DCAF4: variants seen among roughly 807,000 people sequenced by gnomAD.
DCAF4 encodes the protein DDB1 and CUL4 associated factor 4.
Under a neutral mutation model 60.9 loss-of-function variants are expected in DCAF4, and 37 were observed. The ratio of observed to expected loss-of-function variants is 0.61; its 90% CI spans 0.47 to 0.80. The LOEUF (loss-of-function observed/expected upper bound fraction) is 0.80. Among genes scored for constraint, DCAF4 ranks in the 30% least tolerant of loss-of-function variants. The pLI, the probability that DCAF4 is intolerant of heterozygous loss-of-function variation, is 0.00. For synonymous variants in DCAF4, 243 were observed against 254.8 expected, an observed-to-expected ratio of 0.95 and a Z score of 0.44; for missense variants, 577 against 650.0, an observed-to-expected ratio of 0.89 and a Z score of 1.22.
At chr14:72,956,854 C>T (rs1026566895) in intron 13 of DCAF4, 6 of 265,796 alleles carry the variant, frequency 2.3e-5, no homozygotes, top group Non-Finnish European at 4.4e-5. Context: ...ACTTGGGCTC[C>T]CTGTTGTCTC....
At chr14:72,929,019 C>G (rs1296196662) in intron 1 of DCAF4, among the ~76,000 whole-genome samples, 1 of 152,192 alleles carries the variant, frequency 6.6e-6, no homozygotes, top group African/African-American at 2.4e-5. Context: ...GCTGCCATCC[C>G]CCACACTTGG....
chr14:72,956,759 G>T (rs1567331639), intron 13 of DCAF4: 1 of 412,534 alleles, frequency 2.4e-6, no homozygotes, highest in Non-Finnish European at 4.5e-6. Flanking sequence ...AGGCAGGTGG[G>T]GAGGTCCTGG....
chr14:72,956,191 G>A (rs1179283644), intron 12 of DCAF4, among the ~76,000 whole-genome samples, 195 bp from the exon 13 acceptor site: 2 of 152,046 alleles, frequency 1.3e-5, no homozygotes, highest in African/African-American at 4.8e-5. Context: ...ATAGTGCTGG[G>A]ATTACAGGCA....
In DCAF4 at chr14:72,930,308, G is replaced by T. The variant is rs1656216116; in HGVS notation, c.-9+3765G>T. Among the ~76,000 whole-genome samples the T allele has an allele frequency of 2.0e-5, 3 of 149,388 alleles. No individual in the cohort carries two copies. The South Asian group carries it at 6.3e-4, about 31-fold the overall frequency. The stretch of plus-strand genomic sequence containing the variant: ...TTTGAGACGGAGTTTCGCTCTTGTC[G>T]CCCAGGCTGCAATGCAGTGGCACCA... On this transcript the variant is annotated intron_variant, in intron 1 of 13. Transcript: ENST00000358377.
intron 1 of DCAF4, among the ~76,000 whole-genome samples, chr14:72,934,053 G>A (rs1039845089): frequency 2.0e-5 from 3 of 152,006 alleles, no homozygotes; most frequent in Admixed American, 6.5e-5. Context: ...ATCATGCCCT[G>A]TCTGCCTCTG....
chr14:72,958,830 A>G lies in DCAF4; in HGVS notation c.*25A>G, dbSNP rs756367598. 9 of 1,521,034 alleles carry G rather than the reference A, an allele frequency of 5.9e-6. No homozygotes were observed. In the African/African-American group the frequency reaches 1.1e-4, roughly 19 times the overall value. The allele number at this position is 1,521,034 out of a possible 1,614,324, so 94.2% of individuals were successfully genotyped here. A position where few individuals can be genotyped will look rare whatever the true frequency, so the allele number is the denominator to read the frequency against. On this transcript the variant is annotated 3_prime_UTR_variant, in exon 14 of 14. Coordinates refer to ENST00000358377, the MANE Select transcript of DCAF4 (RefSeq NM_015604.4). Reference sequence around the variant, plus strand: ...ATTCTGCAGGGCACAGCCCAGAGCCATGTGGATTTGACTTACGGGAGTAAA... The same window carrying G: ...ATTCTGCAGGGCACAGCCCAGAGCCGTGTGGATTTGACTTACGGGAGTAAA...
chr14:72,954,298 C>T (rs1891973413), intron 10 of DCAF4, 36 bp downstream of exon 10: 2 of 1,613,470 alleles, frequency 1.2e-6, no homozygotes, highest in South Asian at 1.1e-5. Context: ...GAGAAGAGGC[C>T]TTAACAGGCC....
intron 1 of DCAF4, among the ~76,000 whole-genome samples, chr14:72,935,966 CT>C (rs1181778476): frequency 6.6e-6 from 1 of 151,862 alleles, no homozygotes; most frequent in Non-Finnish European, 1.5e-5. Flanking sequence ...GTCTTTTTCT[CT>C]TTTTGAGATG....
In DCAF4 at chr14:72,951,839, C is replaced by G. The variant is rs1312753705; in HGVS notation, c.770C>G (p.Thr257Ser). The G allele has an allele frequency of 6.2e-7, 1 of 1,614,016 alleles. No homozygotes were observed. The highest frequency in any genetic ancestry group is 8.5e-7 in the Non-Finnish European group (1 of 1,180,034). ...MGLAETPGCA[T>S]LLPASLFVNS... ...CTCGCAGAGACTCCAGGCTGTGCCA[C>G]CCTGCTCCCAGCATCACTGTTCGTC... The change falls in exon 9 of 14, where the codon ACC (threonine) becomes AGC (serine). Residue 257 changes from threonine (T) to serine (S), a missense_variant. Physicochemically the swap from Thr to Ser is moderately conservative, Grantham distance 58 (BLOSUM62 1). Coordinates refer to ENST00000358377, the MANE Select transcript of DCAF4 (RefSeq NM_015604.4).
Position 72,959,322 on chromosome 14 carries a change from A to T in DCAF4, c.*517A>T. 1.0e-6 allele frequency: 1 copy of T among 985,662 alleles called. No homozygotes were observed. The highest frequency in any genetic ancestry group is 1.2e-6 in the Non-Finnish European group (1 of 830,118). The allele number at this position is 985,662 out of a possible 1,614,324, so 61.1% of individuals were successfully genotyped here. The stretch of plus-strand genomic sequence containing the variant: ...GAAATATTGAAGGCTGGAGTTTGGA[A>T]TCCTTAAACTTGGCCTTCTCAAACT... On this transcript the variant is annotated 3_prime_UTR_variant, in exon 14 of 14. Coordinates refer to ENST00000358377, the MANE Select transcript of DCAF4 (RefSeq NM_015604.4).
intron 1 of DCAF4, chr14:72,929,934 TG>T: frequency 1.9e-6 from 2 of 1,050,458 alleles, no homozygotes; most frequent in Non-Finnish European, 1.4e-6. Context: ...GAGCCATGGC[TG>T]CTGCTCTCCA....
intron 13 of DCAF4, chr14:72,956,808 C>A: frequency 3.0e-6 from 1 of 337,958 alleles, no homozygotes; most frequent in Non-Finnish European, 5.6e-6. Flanking sequence ...TTCATCAGGC[C>A]AGCATTATTC....
intron 10 of DCAF4, 22 bp downstream of exon 10, chr14:72,954,284 C>T: frequency 6.2e-7 from 1 of 1,613,840 alleles, no homozygotes; most frequent in East Asian, 2.2e-5. Flanking sequence ...TCCCCAGGTG[C>T]CCAGAGAAGA....
Position 72,940,382 on chromosome 14 carries a change from GC to G in DCAF4, c.351+6del, listed in dbSNP as rs1285619255. 2.5e-6 allele frequency: 4 copies of G among 1,607,128 alleles called. No individual in the cohort carries two copies. The African/African-American group carries it at 4.0e-5, about 16-fold the overall frequency. ...GAAGAAGACAGACGGAAAAAGGTGG[GC>G]TCCTCACCCCTTCGCCCCCTGTCCT... On this transcript the variant is annotated splice_donor_region_variant and intron_variant, in intron 4 of 13. Coordinates refer to ENST00000358377, the MANE Select transcript of DCAF4 (RefSeq NM_015604.4).
chr14:72,955,914 C>CTTTTTTTTTT lies in DCAF4; in HGVS notation c.1179+235_1179+244dup, dbSNP rs71109770. On this transcript the variant is annotated intron_variant, in intron 12 of 13. Transcript: ENST00000358377. ...GTGAAAAGGATTCTCTGGTTATGTC[C>CTTTTTTTTTT]TTTTTTTTTTTTTTTTTTTTTTTTT... 4.6e-4 allele frequency among the ~76,000 whole-genome samples: 25 copies of CTTTTTTTTTT among 54,726 alleles called. 2 individuals carry two copies. The highest frequency in any genetic ancestry group is 5.6e-4 in the Admixed American group (2 of 3,594). 35.9% of individuals were successfully genotyped at this position (54,726 alleles called of 152,430 possible).
chr14:72,954,206 G>A lies in DCAF4; in HGVS notation c.851G>A (p.Gly284Asp), dbSNP rs1323552213. The part of the protein sequence containing the change: ...PGMLCSFRIP[G>D]AWSCAWSLNI... ...ATGCTCTGCAGTTTCCGGATCCCTGGTGCCTGGTCCTGTGCCTGGTCCCTG... is the reference window on the plus strand; with the variant it reads ...ATGCTCTGCAGTTTCCGGATCCCTGATGCCTGGTCCTGTGCCTGGTCCCTG... The change falls in exon 10 of 14, where the codon GGT (glycine) becomes GAT (aspartate). Residue 284 changes from glycine (G) to aspartate (D), a missense_variant. By Grantham distance (94) the Gly-to-Asp change is moderately conservative. Transcript: ENST00000358377. 2.5e-6 allele frequency: 4 copies of A among 1,614,152 alleles called. No individual in the cohort carries two copies. The highest frequency in any genetic ancestry group is 1.6e-4 in the Middle Eastern group (1 of 6,062).
chr14:72,939,551 G>A (rs930931495), intron 2 of DCAF4, among the ~76,000 whole-genome samples: 6 of 151,550 alleles, frequency 4.0e-5, no homozygotes, highest in Admixed American at 6.6e-5. Flanking sequence ...CAAAATGCGC[G>A]AGTGAGAAGA....
chr14:72,954,122 T>C lies in DCAF4; in HGVS notation c.809-42T>C, dbSNP rs761329508. On this transcript the variant is annotated intron_variant, in intron 9 of 13. Transcript: ENST00000358377. ...CGAACCCAGTGGTCCCTGGCCTGCC[T>C]AGAAGGCAGCCACACTTTACATTCT... is the stretch of plus-strand genomic sequence containing the variant. 17 of 1,609,912 alleles carry C rather than the reference T, an allele frequency of 1.1e-5. No individual in the cohort carries two copies. In the Admixed American group the frequency reaches 2.8e-4, roughly 27 times the overall value.
At chr14:72,933,988 G>A (rs1182897999) in intron 1 of DCAF4, among the ~76,000 whole-genome samples, 1 of 152,082 alleles carries the variant, frequency 6.6e-6, no homozygotes, top group African/African-American at 2.4e-5. Context: ...CCTTTCAGGT[G>A]CCCTTTCTTA....
Sources: gnomAD v4.1 joint callset for allele counts (sites outside exome capture counted in the v4.1 genomes callset) on GRCh38, gnomAD v4.1.1 for gene constraint, MANE v1.5 for transcripts, NCBI Gene and HGNC (gene_info 2026-07-23, HGNC 2026-07-21) for gene names.